The following ANKH variants were observed in gnomAD, a reference collection of about 807,000 sequenced individuals.
ANKH encodes mineralization regulator ANKH.
Under a neutral mutation model 49.0 loss-of-function variants are expected in ANKH, and 15 were observed. That is an observed-to-expected ratio of 0.31 (90% CI 0.20 to 0.47). ANKH has a LOEUF of 0.47. Among genes scored for constraint, ANKH ranks in the 20% least tolerant of loss-of-function variants. The pLI is 1.00. For synonymous variants in ANKH, 273 were observed against 260.0 expected, an observed-to-expected ratio of 1.05 and a Z score of -0.48; for missense variants, 429 against 652.0, an observed-to-expected ratio of 0.66 and a Z score of 3.72.
At chr5:14,809,967 G>A (rs1318192112) in intron 1 of ANKH, among the ~76,000 whole-genome samples, 1 of 152,074 alleles carries the variant, frequency 6.6e-6, no homozygotes, top group South Asian at 2.1e-4. Flanking sequence ...GGCGCCAGCT[G>A]AATTCAAGCC....
intron 1 of ANKH, among the ~76,000 whole-genome samples, chr5:14,787,447 A>G (rs1026580395): frequency 4.6e-5 from 7 of 152,244 alleles, no homozygotes; most frequent in African/African-American, 1.7e-4. Context: ...GTATATTTGT[A>G]TGAGCAGAGA....
intron 1 of ANKH, among the ~76,000 whole-genome samples, chr5:14,829,363 CAAGCTTG>C (rs987603393): frequency 6.6e-6 from 1 of 152,094 alleles, no homozygotes; most frequent in African/African-American, 2.4e-5. Flanking sequence ...TCTCCTTCTT[CAAGCTTG>C]ATGGTCAAAT....
intron 1 of ANKH, among the ~76,000 whole-genome samples, chr5:14,803,454 G>A (rs1479459212): frequency 6.6e-6 from 1 of 151,864 alleles, no homozygotes; most frequent in Non-Finnish European, 1.5e-5. Context: ...TAATTTTTGT[G>A]TTTTTGGTAG....
intron 4 of ANKH, 74 bp from the exon 5 acceptor site, chr5:14,751,313 T>C: frequency 1.4e-6 from 2 of 1,480,140 alleles, no homozygotes. Flanking sequence ...AGGGGCACGC[T>C]CTTGAACCTG....
intron 4 of ANKH, among the ~76,000 whole-genome samples, chr5:14,751,489 CA>C (rs754223306): frequency 9.9e-5 from 15 of 152,140 alleles, no homozygotes; most frequent in Non-Finnish European, 1.9e-4. Context: ...TAAGCAACTA[CA>C]AAAATCTTTC....
At chr5:14,741,310 C>T (rs1286735443) in intron 8 of ANKH, 3 of 164,434 alleles carry the variant, frequency 1.8e-5, no homozygotes, top group African/African-American at 7.2e-5. Flanking sequence ...GACACAGTGT[C>T]ACACACGCTT....
rs139833837 is a variant in ANKH at position 14,765,397 on chromosome 5, C to A, written c.313+3578G>T. 2.6e-5 allele frequency among the ~76,000 whole-genome samples: 4 copies of A among 152,268 alleles called. No individual in the cohort carries two copies. In the East Asian group the frequency reaches 7.7e-4, roughly 29 times the overall value. ...TCCAACACAATTCCAAGTGTCTGCT[C>A]TATTGGCTCATTGCACAAGGTTTGC... On this transcript the variant is annotated intron_variant, in intron 2 of 11. Transcript: ENST00000284268.
intron 1 of ANKH, among the ~76,000 whole-genome samples, chr5:14,812,028 TTCTC>T (rs758918690): frequency 1.8e-4 from 28 of 152,024 alleles, no homozygotes; most frequent in Admixed American, 4.6e-4. Context: ...TAGTCCATTC[TTCTC>T]TCTCTATTTA....
intron 1 of ANKH, among the ~76,000 whole-genome samples, chr5:14,867,615 AG>A (rs1735685640): frequency 6.6e-6 from 1 of 151,546 alleles, no homozygotes; most frequent in African/African-American, 2.4e-5. Flanking sequence ...TGCGGACTGC[AG>A]TGGCGCAATC....
intron 1 of ANKH, among the ~76,000 whole-genome samples, chr5:14,816,351 G>T (rs148937080): frequency 1.3e-5 from 2 of 152,128 alleles, no homozygotes; most frequent in Non-Finnish European, 2.9e-5. Context: ...CTTCGAATGG[G>T]TCTAATTGTA....
At chr5:14,846,440 G>A (rs913515265) in intron 1 of ANKH, among the ~76,000 whole-genome samples, 1 of 152,168 alleles carries the variant, frequency 6.6e-6, no homozygotes. Flanking sequence ...TTTGGACTAG[G>A]ATAAGAAATG....
chr5:14,722,733 AT>A (rs1271115090), intron 8 of ANKH, among the ~76,000 whole-genome samples: 2 of 152,202 alleles, frequency 1.3e-5, no homozygotes, highest in Non-Finnish European at 2.9e-5. Context: ...AGAACTCTAA[AT>A]AATTCATTAG....
chr5:14,832,327 C>T (rs1283055651), intron 1 of ANKH, among the ~76,000 whole-genome samples: 1 of 152,152 alleles, frequency 6.6e-6, no homozygotes, highest in Non-Finnish European at 1.5e-5. Flanking sequence ...TCTCCATGTG[C>T]AAATAAATAT....
chr5:14,785,001 C>G (rs531084230), intron 1 of ANKH, among the ~76,000 whole-genome samples: 1 of 152,294 alleles, frequency 6.6e-6, no homozygotes, highest in African/African-American at 2.4e-5. Flanking sequence ...ACTCTGGATA[C>G]CACCTTCAAT....
chr5:14,716,486 T>C (rs1737465417), intron 9 of ANKH, among the ~76,000 whole-genome samples: 1 of 150,440 alleles, frequency 6.6e-6, no homozygotes, highest in African/African-American at 2.5e-5. Flanking sequence ...AATGAAACTC[T>C]GTCTCCAATA....
intron 1 of ANKH, among the ~76,000 whole-genome samples, chr5:14,774,548 C>T (rs1739551728): frequency 6.6e-6 from 1 of 152,148 alleles, no homozygotes; most frequent in Non-Finnish European, 1.5e-5. Context: ...AGCAATTCTC[C>T]TGCCTCAGCC....
chr5:14,841,714 T>C (rs958478423), intron 1 of ANKH, among the ~76,000 whole-genome samples: 2 of 152,132 alleles, frequency 1.3e-5, no homozygotes, highest in African/African-American at 4.8e-5. Context: ...TGAAACTGTG[T>C]CCCCATTAAA....
At chr5:14,839,523 A>C (rs1018211327) in intron 1 of ANKH, among the ~76,000 whole-genome samples, 3 of 149,364 alleles carry the variant, frequency 2.0e-5, no homozygotes, top group Admixed American at 6.7e-5. Context: ...AAAAAAAAAA[A>C]CCCACAGAGA....
intron 1 of ANKH, among the ~76,000 whole-genome samples, chr5:14,806,552 G>C (rs946893092): frequency 2.0e-5 from 3 of 152,216 alleles, no homozygotes; most frequent in Non-Finnish European, 4.4e-5. Context: ...AGTGGCTGTG[G>C]CTGTGGCTGT....
Sources: gnomAD v4.1 joint callset for allele counts (sites outside exome capture counted in the v4.1 genomes callset) on GRCh38, gnomAD v4.1.1 for gene constraint, MANE v1.5 for transcripts, NCBI Gene and HGNC (gene_info 2026-07-23, HGNC 2026-07-21) for gene names.